Variants in STAT6 observed in about 807,000 individuals in gnomAD.
STAT6 encodes signal transducer and activator of transcription 6, also known as STAT, interleukin4-induced.
A neutral mutation model predicts 106.3 loss-of-function variants in STAT6; 45 were observed. The ratio of observed to expected loss-of-function variants is 0.42; its 90% CI spans 0.33 to 0.54. The LOEUF is 0.54. STAT6 is among the 20% of genes least tolerant of loss of function. STAT6 has a pLI of 0.06. For synonymous variants in STAT6, 413 were observed against 413.6 expected (o/e 1.00, Z 0.02); for missense variants, 797 against 1,062.2 (o/e 0.75, Z 3.47).
chr12:57,096,761 C>G lies in STAT6; in HGVS notation c.2355G>C (p.Trp785Cys). 1.2e-6 allele frequency: 2 copies of G among 1,613,336 alleles called. No homozygotes were observed. Among genetic ancestry groups the G allele is most frequent in the Non-Finnish European group, 1.7e-6 (2 of 1,179,708 alleles). Residue 785 changes from tryptophan (W) to cysteine (C), a missense_variant and splice_region_variant, in exon 22 of 22, where the codon TGG becomes TGC. By Grantham distance (215) the Trp-to-Cys change is radical. This residue lies in a region of STAT6 where 226 missense variants were observed against 236.7 expected (regional missense o/e 0.95). Coordinates refer to ENST00000300134, the MANE Select transcript of STAT6 (RefSeq NM_003153.5). The part of the protein sequence containing the change: ...QPVTAFPQGT[W>C]IGEDIFPPLL... ...GAGGAGGGAATATGTCTTCACCAATCCTGCAAGGAGATGGGAGAAGCAGTG... is the reference window on the plus strand; with the variant it reads ...GAGGAGGGAATATGTCTTCACCAATGCTGCAAGGAGATGGGAGAAGCAGTG...
chr12:57,108,771 A>C (rs1204505391), intron 1 of STAT6, among the ~76,000 whole-genome samples: 1 of 152,248 alleles, frequency 6.6e-6, no homozygotes, highest in Non-Finnish European at 1.5e-5. Flanking sequence ...ACGAAACCGA[A>C]GATGCCCTGT....
At chr12:57,097,392 C>T (rs959953063) in intron 19 of STAT6, 7 of 334,070 alleles carry the variant, frequency 2.1e-5, no homozygotes, top group Admixed American at 9.6e-5. Flanking sequence ...TCCTCACTCC[C>T]GCCTCACCTT....
intron 13 of STAT6, among the ~76,000 whole-genome samples, chr12:57,101,742 G>A (rs951111011): frequency 1.4e-5 from 2 of 145,958 alleles, no homozygotes; most frequent in South Asian, 4.3e-4. Flanking sequence ...TCAGCTCACT[G>A]CAACCTCCAC....
intron 13 of STAT6, 105 bp downstream of exon 13, chr12:57,102,185 T>C (rs954912380): frequency 2.4e-6 from 3 of 1,268,784 alleles, no homozygotes; most frequent in African/African-American, 3.0e-5. Flanking sequence ...GAGGGGGCAC[T>C]GTGGAGAATC....
chr12:57,107,431 A>G, intron 3 of STAT6, 117 bp from the exon 4 acceptor site: 2 of 1,317,574 alleles, frequency 1.5e-6, no homozygotes, highest in Non-Finnish European at 2.1e-6. Flanking sequence ...TGTAGACTCC[A>G]GAAGTTTTTG....
At position 57,107,640 on chromosome 12, in the gene STAT6, C is replaced by T. The variant is rs1220734568; in HGVS notation, c.220G>A (p.Gly74Arg). The change falls in exon 3 of 22, where the codon GGG (glycine) becomes AGG (arginine). Residue 74 changes from glycine to arginine, a missense_variant. Coordinates refer to ENST00000300134, the MANE Select transcript of STAT6 (RefSeq NM_003153.5). ...LQASVGEQGE[G>R]STILQHISTL... Reference sequence around the variant, plus strand: ...CTGATGTGTTGCAAGATGGTGCTCCCCTCCCCCTGCTCTCCCACCGAGGCC... The same window carrying T: ...CTGATGTGTTGCAAGATGGTGCTCCTCTCCCCCTGCTCTCCCACCGAGGCC... 6.8e-6 allele frequency: 11 copies of T among 1,613,928 alleles called. No individual in the cohort carries two copies. The highest frequency in any genetic ancestry group is 5.1e-6 in the Non-Finnish European group (6 of 1,179,968).
chr12:57,098,991 C>CAAAGGTG (rs1340929073), intron 17 of STAT6, 24 bp downstream of exon 17: 1 of 1,614,134 alleles, frequency 6.2e-7, no homozygotes, highest in Non-Finnish European at 8.5e-7. Flanking sequence ...CTGACCTACC[C>CAAAGGTG]ACTGTCCATA....
At chr12:57,098,387 G>A in intron 19 of STAT6, 118 bp downstream of exon 19, 1 of 1,035,986 alleles carries the variant, frequency 9.7e-7, no homozygotes. Flanking sequence ...GTGGACAGAA[G>A]AGAAGAAGAC....
In STAT6 at chr12:57,105,619, C is replaced by T. The variant is rs1412117512; in HGVS notation, c.681-20G>A. On this transcript the variant is annotated intron_variant, in intron 7 of 21. Transcript: ENST00000300134. ...TCACACCTGGGGCCAGGACAGTGGT[C>T]AGGGGGCACAGGATTAAGGCTGCTT... 7 of 1,612,578 alleles carry T rather than the reference C, an allele frequency of 4.3e-6. No homozygotes were observed. Among genetic ancestry groups the T allele is most frequent in the Non-Finnish European group, 5.9e-6 (7 of 1,179,542 alleles).
intron 3 of STAT6, 96 bp from the exon 4 acceptor site, chr12:57,107,410 G>A (rs1483733360): frequency 4.4e-6 from 6 of 1,362,858 alleles, no homozygotes; most frequent in African/African-American, 1.4e-5. Context: ...TATACTATAA[G>A]GAAGCACAAC....
chr12:57,099,409 G>C lies in STAT6; in HGVS notation c.1776C>G (p.Phe592Leu). The change falls in exon 16 of 22, where the codon TTC becomes TTG. Residue 592 changes from phenylalanine (F) to leucine (L), a missense_variant. Physicochemically the swap from Phe to Leu is conservative, Grantham distance 22. Around this residue, in one of 4 missense-constraint regions of STAT6, gnomAD observed 222 missense variants for 354.6 expected, o/e 0.63. Transcript: ENST00000300134. The surrounding 1 kb of genome is among the most constrained non-coding windows in gnomAD (Gnocchi z 4.7). ...GSPQIENIQP[F>L]SAKDLSIRSL... Reference sequence around the variant, plus strand: ...AGCGAATGGACAGGTCTTTGGCAGAGAATGGCTGGATGTTCTCTATCTGTG... The same window carrying C: ...AGCGAATGGACAGGTCTTTGGCAGACAATGGCTGGATGTTCTCTATCTGTG... 1 of 1,614,180 alleles carries C rather than the reference G, an allele frequency of 6.2e-7. No individual in the cohort carries two copies. The highest frequency in any genetic ancestry group is 8.5e-7 in the Non-Finnish European group (1 of 1,180,034).
At chr12:57,110,309 C>A (rs1451264996) in intron 1 of STAT6, 3 of 152,274 alleles carry the variant, frequency 2.0e-5, no homozygotes, top group Admixed American at 6.5e-5. Flanking sequence ...AGGACAGGGG[C>A]ACCTTTTGTC....
intron 19 of STAT6, 180 bp from the exon 20 acceptor site, chr12:57,097,313 T>C (rs2033510209): frequency 2.2e-6 from 1 of 447,988 alleles, no homozygotes; most frequent in Non-Finnish European, 3.8e-6. Context: ...GTGCGTGTTA[T>C]GGGGGTGGAT....
Position 57,106,206 on chromosome 12 carries a change from GC to G in STAT6, c.664del (p.Ala222ProfsTer21), listed in dbSNP as rs760713024. 1 of 1,614,108 alleles carries G rather than the reference GC, an allele frequency of 6.2e-7. No homozygotes were observed. The highest frequency in any genetic ancestry group is 8.5e-7 in the Non-Finnish European group (1 of 1,180,020). Reference protein sequence around the residue: ...GNGAPFEESLAPLQERCESLV... With the variant: ...GNGAPFEESLXPLQERCESLV... The stretch of plus-strand genomic sequence containing the variant: ...CTAGCCCAACCTCTCCTGGAGTGGG[GC>G]CAGGCTCTCCTCAAACGGTGCGCCA... On this transcript the variant is annotated frameshift_variant, in exon 7 of 22. Coordinates refer to ENST00000300134, the MANE Select transcript of STAT6 (RefSeq NM_003153.5). LOFTEE classifies it high-confidence loss of function.
rs1565681497 is a variant in STAT6, at chr12:57,099,019, C to T, written c.1951G>A (p.Glu651Lys). Residue 651 changes from glutamate to lysine, a missense_variant, in exon 17 of 22, where the codon GAA (glutamate) becomes AAA (lysine). By Grantham distance (56) the Glu-to-Lys change is moderately conservative. Coordinates refer to ENST00000300134, the MANE Select transcript of STAT6 (RefSeq NM_003153.5). This position sits in a 1 kb window ranked among gnomAD's most constrained non-coding sequence, Gnocchi z 4.7. ...YVPATIKMTV[E>K]RDQPLPTPEL... ...TGTCCATACCACCACACTCACCTTTCCACGGTCATCTTGATGGTAGCTGGG... is the reference window on the plus strand; with the variant it reads ...TGTCCATACCACCACACTCACCTTTTCACGGTCATCTTGATGGTAGCTGGG... 1 of 1,614,188 alleles carries T rather than the reference C, an allele frequency of 6.2e-7. No homozygotes were observed. Among genetic ancestry groups the T allele is most frequent in the South Asian group, 1.1e-5 (1 of 91,078 alleles).
intron 19 of STAT6, 27 bp from the exon 20 acceptor site, chr12:57,097,160 G>A: frequency 6.7e-7 from 1 of 1,499,960 alleles, no homozygotes; most frequent in East Asian, 2.3e-5. Flanking sequence ...CACAGTTAGA[G>A]GAAGGCAGGC....
At chr12:57,106,504 T>TCC (rs1220112388) in intron 6 of STAT6, 24 bp downstream of exon 6, 1 of 1,613,576 alleles carries the variant, frequency 6.2e-7, no homozygotes, top group African/African-American at 1.3e-5. Context: ...GACCAAGGTC[T>TCC]CCACCTGTCA....
chr12:57,108,576 G>A (rs988522916), intron 1 of STAT6, among the ~76,000 whole-genome samples: 2 of 152,212 alleles, frequency 1.3e-5, no homozygotes, highest in Non-Finnish European at 2.9e-5. Flanking sequence ...TCTTAGAGTG[G>A]CAGAGGATTT....
intron 11 of STAT6, chr12:57,104,218 T>C: frequency 3.8e-6 from 2 of 527,762 alleles, no homozygotes; most frequent in Non-Finnish European, 6.8e-6. Context: ...TGCGTATGTA[T>C]CATTTAATAG....
Sources: allele counts gnomAD v4.1 joint callset (sites outside exome capture counted in the v4.1 genomes callset), GRCh38; gene constraint gnomAD v4.1.1; regional missense constraint gnomAD v4.1.1; non-coding constraint Gnocchi (gnomAD v3.1); transcripts MANE v1.5; gene names NCBI Gene and HGNC (gene_info 2026-07-23, HGNC 2026-07-21).